SLC30A9: variants seen among roughly 807,000 people sequenced by gnomAD.
The protein encoded by SLC30A9 is proton-coupled zinc antiporter SLC30A9, mitochondrial.
A neutral mutation model predicts 87.5 loss-of-function variants in SLC30A9; 58 were observed. The ratio of observed to expected loss-of-function variants is 0.66; its 90% CI spans 0.54 to 0.82. SLC30A9 has a LOEUF of 0.82. Among genes scored for constraint, SLC30A9 ranks in the 40% least tolerant of loss-of-function variants. The pLI is 0.00. For synonymous variants in SLC30A9, 234 were observed against 233.0 expected (o/e 1.00, Z -0.04); for missense variants, 557 against 679.1 (o/e 0.82, Z 2.00).
At chr4:42,068,579 G>A (rs1718182377) in intron 14 of SLC30A9, among the ~76,000 whole-genome samples, 1 of 152,148 alleles carries the variant, frequency 6.6e-6, no homozygotes, top group Non-Finnish European at 1.5e-5. Context: ...GTTAGCTTAT[G>A]GTAAAATTGG....
intron 8 of SLC30A9, among the ~76,000 whole-genome samples, chr4:42,042,037 C>G (rs778131971): frequency 1.3e-5 from 2 of 152,168 alleles, no homozygotes; most frequent in African/African-American, 4.8e-5. Flanking sequence ...CCAGATACTA[C>G]GCTTTTCCCA....
At chr4:42,055,436 G>GA (rs1717571420) in intron 9 of SLC30A9, among the ~76,000 whole-genome samples, 3 of 151,988 alleles carry the variant, frequency 2.0e-5, no homozygotes, top group African/African-American at 7.3e-5. Flanking sequence ...GCCCAGGCTG[G>GA]AATGCAGTGG....
chr4:42,004,571 A>G (rs73810472), intron 2 of SLC30A9, among the ~76,000 whole-genome samples: 54 of 151,760 alleles, frequency 3.6e-4, no homozygotes, highest in Admixed American at 1.4e-3. Context: ...CAGGATCACT[A>G]ATTTCCTCTT....
Position 42,062,977 on chromosome 4 carries a change from A to G in SLC30A9, c.897-9A>G, listed in dbSNP as rs1207131388. 3.7e-6 allele frequency: 6 copies of G among 1,610,288 alleles called. No individual in the cohort carries two copies. Among genetic ancestry groups the G allele is most frequent in the South Asian group, 3.3e-5 (3 of 90,436 alleles). ...TTTCTTGCGAACTATATTCTTTTCT[A>G]TTTTTCAGGTACGGATTTTCAAATA... On this transcript the variant is annotated splice_polypyrimidine_tract_variant and intron_variant, in intron 10 of 17. Coordinates refer to ENST00000264451, the MANE Select transcript of SLC30A9 (RefSeq NM_006345.4).
chr4:42,060,306 A>C, intron 10 of SLC30A9, 60 bp downstream of exon 10: 3 of 1,258,304 alleles, frequency 2.4e-6, no homozygotes, highest in Non-Finnish European at 3.5e-6. Flanking sequence ...TGAAATAACT[A>C]AATATCAGAA....
At chr4:42,012,924 A>C (rs1203419561) in intron 2 of SLC30A9, among the ~76,000 whole-genome samples, 1 of 152,186 alleles carries the variant, frequency 6.6e-6, no homozygotes, top group African/African-American at 2.4e-5. Context: ...TTGATAATAA[A>C]ACAGTAAACT....
intron 1 of SLC30A9, among the ~76,000 whole-genome samples, chr4:41,997,378 T>A (rs1419147601): frequency 6.6e-6 from 1 of 151,954 alleles, no homozygotes; most frequent in East Asian, 1.9e-4. Context: ...ATTGTGATAA[T>A]GATGTTAATA....
In SLC30A9 at chr4:42,022,791, A is replaced by G. The variant is rs375975931; in HGVS notation, c.435-47A>G. The G allele has an allele frequency of 5.5e-6, 6 of 1,096,256 alleles. No homozygotes were observed. In the African/African-American group the frequency reaches 9.4e-5, roughly 17 times the overall value. The allele number at this position is 1,096,256 out of a possible 1,614,324, so 67.9% of individuals were successfully genotyped here. On this transcript the variant is annotated intron_variant, in intron 4 of 17. Coordinates refer to ENST00000264451, the MANE Select transcript of SLC30A9 (RefSeq NM_006345.4). Reference sequence around the variant, plus strand: ...TTAGTAATCCTCTTTAAGTATATAAACTATATGCACTTTGTCTGAATAAAT... The same window carrying G: ...TTAGTAATCCTCTTTAAGTATATAAGCTATATGCACTTTGTCTGAATAAAT...
rs1270822875 is a variant in SLC30A9, at chr4:42,035,308, A to G, written c.644A>G (p.Tyr215Cys). The change falls in exon 7 of 18, where the codon TAC becomes TGC. Residue 215 changes from tyrosine to cysteine, a missense_variant. Physicochemically the swap from Tyr to Cys is radical, Grantham distance 194. Transcript: ENST00000264451. ...LFRNQKILRE[Y>C]RDFLGNTKPR... ...AGAAACCAAAAAATATTAAGAGAAT[A>G]CAGAGATTTCTTGGGAAATACCAAG... The G allele has an allele frequency of 6.2e-7, 1 of 1,602,784 alleles. No individual in the cohort carries two copies.
At chr4:42,009,087 A>G (rs1715334991) in intron 2 of SLC30A9, among the ~76,000 whole-genome samples, 1 of 152,212 alleles carries the variant, frequency 6.6e-6, no homozygotes, top group South Asian at 2.1e-4. Flanking sequence ...GTGAACACAG[A>G]CTCAGGGGAA....
rs1274951643 is a variant in SLC30A9, at chr4:42,089,056, G to C, written c.*2930G>C. ...GTATCTACTTTGGCATATAGCATTTGAGTATTAAAGCATATAAATCATTTT... is the reference window on the plus strand; with the variant it reads ...GTATCTACTTTGGCATATAGCATTTCAGTATTAAAGCATATAAATCATTTT... On this transcript the variant is annotated 3_prime_UTR_variant, in exon 18 of 18. Transcript: ENST00000264451. 1.3e-5 allele frequency: 2 copies of C among 152,134 alleles called. No individual in the cohort carries two copies. The highest frequency in any genetic ancestry group is 2.9e-5 in the Non-Finnish European group (2 of 68,036). The allele number at this position is 152,134 out of a possible 1,614,324, so 9.4% of individuals were successfully genotyped here.
chr4:42,029,885 T>C lies in SLC30A9; in HGVS notation c.611-5390T>C. On this transcript the variant is annotated intron_variant, in intron 6 of 17. Transcript: ENST00000264451. ...AGCAAGATGAAGATAAGGATAAAAATAGAAATGTGGAGTATTTTGGACTGG... is the reference window on the plus strand; with the variant it reads ...AGCAAGATGAAGATAAGGATAAAAACAGAAATGTGGAGTATTTTGGACTGG... 4 of 707,544 alleles carry C rather than the reference T, an allele frequency of 5.7e-6. 1 individual carries two copies. The highest frequency in any genetic ancestry group is 4.1e-5 in the South Asian group (3 of 72,996). 43.8% of individuals were successfully genotyped at this position (707,544 alleles called of 1,614,324 possible).
chr4:42,042,225 G>A (rs1663721207), intron 8 of SLC30A9, among the ~76,000 whole-genome samples: 1 of 152,126 alleles, frequency 6.6e-6, no homozygotes, highest in African/African-American at 2.4e-5. Context: ...TTAATCCCTT[G>A]GAAAGGGGGC....
chr4:41,990,810 C>T (rs565197050), intron 1 of SLC30A9, 50 bp downstream of exon 1: 13 of 1,372,632 alleles, frequency 9.5e-6, no homozygotes, highest in Admixed American at 1.9e-5. Flanking sequence ...AACTGGAGGG[C>T]CAGGCTGGGC....
At chr4:42,017,245 C>G (rs567204754) in intron 2 of SLC30A9, among the ~76,000 whole-genome samples, 85 of 152,018 alleles carry the variant, frequency 5.6e-4, no homozygotes, top group African/African-American at 1.9e-3. Flanking sequence ...GCAAGATTGT[C>G]CTTCCTATTT....
intron 6 of SLC30A9, among the ~76,000 whole-genome samples, chr4:42,025,952 G>A (rs562152611): frequency 1.7e-3 from 251 of 151,872 alleles, no homozygotes; most frequent in Non-Finnish European, 2.9e-3. Flanking sequence ...CGCACCTGGC[G>A]ATTATCTGTT....
At chr4:42,038,465 A>T (rs1716780215) in intron 7 of SLC30A9, among the ~76,000 whole-genome samples, 1 of 152,158 alleles carries the variant, frequency 6.6e-6, no homozygotes, top group Non-Finnish European at 1.5e-5. Flanking sequence ...AATACAATAT[A>T]TTCTTATTTT....
At chr4:41,997,804 T>A (rs1205816501) in intron 1 of SLC30A9, among the ~76,000 whole-genome samples, 4 of 152,240 alleles carry the variant, frequency 2.6e-5, no homozygotes, top group African/African-American at 9.6e-5. Flanking sequence ...AACCTCTTAG[T>A]AACCTCTTTA....
intron 1 of SLC30A9, among the ~76,000 whole-genome samples, chr4:41,997,651 G>T (rs1714779077): frequency 6.6e-6 from 1 of 152,028 alleles, no homozygotes; most frequent in South Asian, 2.1e-4. Flanking sequence ...ATAGTTACCT[G>T]CCGTAATTTA....
Sources: allele counts gnomAD v4.1 joint callset (sites outside exome capture counted in the v4.1 genomes callset), GRCh38; gene constraint gnomAD v4.1.1; transcripts MANE v1.5; gene names NCBI Gene and HGNC (gene_info 2026-07-23, HGNC 2026-07-21).